Variants in TTC4 observed in about 807,000 individuals in gnomAD.
The protein encoded by TTC4 is tetratricopeptide repeat domain 4, also known as hsp70/Hsp90 co-chaperone CNS1 homolog.
In TTC4, 36 loss-of-function variants were observed where a neutral mutation model predicts 51.9. That is an observed-to-expected ratio of 0.69 (90% CI 0.53 to 0.92). The LOEUF (loss-of-function observed/expected upper bound fraction) is 0.92. Ranked by LOEUF, TTC4 falls within the 40% of genes least tolerant of loss-of-function variation. The pLI, the probability that TTC4 is intolerant of heterozygous loss-of-function variation, is 0.00. For missense variants in TTC4, 399 were observed against 454.6 expected, an observed-to-expected ratio of 0.88 and a Z score of 1.11; for synonymous variants, 144 against 164.2, an observed-to-expected ratio of 0.88 and a Z score of 0.94.
chr1:54,736,248 A>T (rs1310256026), intron 8 of TTC4, among the ~76,000 whole-genome samples: 3,697 of 124,248 alleles, frequency 0.03, 385 homozygotes, highest in African/African-American at 0.068. Context: ...AGAAGAGAGG[A>T]GAGAGGAGAG....
intron 8 of TTC4, among the ~76,000 whole-genome samples, chr1:54,734,384 CTTTTTATTTA>C (rs1474543646): frequency 2.6e-5 from 4 of 151,100 alleles, no homozygotes; most frequent in African/African-American, 9.7e-5. Context: ...AATTGTTTTC[CTTTTTATTTA>C]TTTTTATTTT....
chr1:54,721,205 A>G lies in TTC4; in HGVS notation c.434A>G (p.Lys145Arg), dbSNP rs770464570. 6.2e-7 allele frequency: 1 copy of G among 1,613,556 alleles called. No homozygotes were observed. Among genetic ancestry groups the G allele is most frequent in the Non-Finnish European group, 8.5e-7 (1 of 1,179,580 alleles). Residue 145 changes from lysine (K) to arginine (R), a missense_variant, in exon 4 of 10, where the codon AAG (lysine) becomes AGG (arginine). Lys to Arg is a conservative substitution (Grantham distance 26, BLOSUM62 2). Around this residue, in one of 3 missense-constraint regions of TTC4, gnomAD observed 316 missense variants for 349.6 expected, o/e 0.90. Transcript: ENST00000371281. ...SALNDVTAAR[K>R]LKPCHLKAII... is the part of the protein sequence containing the mutation. ...CTCAATGATGTGACAGCTGCCAGAAAGCTAAAACCCTGCCACCTCAAAGCA... is the reference window on the plus strand; with the variant it reads ...CTCAATGATGTGACAGCTGCCAGAAGGCTAAAACCCTGCCACCTCAAAGCA...
chr1:54,721,259 C>G lies in TTC4; in HGVS notation c.469+19C>G. On this transcript the variant is annotated intron_variant, in intron 4 of 9. Coordinates refer to ENST00000371281, the MANE Select transcript of TTC4 (RefSeq NM_004623.5). ...ATAAGAGGTAAGTCTTGTGGAACTACAGTATGACATTTAAAGCTTTGATAT... is the reference window on the plus strand; with the variant it reads ...ATAAGAGGTAAGTCTTGTGGAACTAGAGTATGACATTTAAAGCTTTGATAT... 1 of 1,610,480 alleles carries G rather than the reference C, an allele frequency of 6.2e-7. No homozygotes were observed. The highest frequency in any genetic ancestry group is 8.5e-7 in the Non-Finnish European group (1 of 1,177,322).
intron 6 of TTC4, among the ~76,000 whole-genome samples, chr1:54,730,420 G>A (rs1243922338): frequency 6.6e-6 from 1 of 151,928 alleles, no homozygotes; most frequent in Non-Finnish European, 1.5e-5. Context: ...TCAGCAAACT[G>A]CAGCCGTTGG....
intron 3 of TTC4, among the ~76,000 whole-genome samples, chr1:54,718,504 C>A (rs1645703093): frequency 6.6e-6 from 1 of 152,092 alleles, no homozygotes; most frequent in Non-Finnish European, 1.5e-5. Context: ...GCCTCAGCCT[C>A]CCAAAGTATT....
Position 54,736,228 on chromosome 1 carries a change from G to T in TTC4, c.979-1354G>T, listed in dbSNP as rs946989046. On this transcript the variant is annotated intron_variant, in intron 8 of 9. Coordinates refer to ENST00000371281, the MANE Select transcript of TTC4 (RefSeq NM_004623.5). The stretch of plus-strand genomic sequence containing the variant: ...AGAGAGAGAGAGAGAGAGAGAAGAG[G>T]AGAGGAGAGAGAAGAGAGGAGAGAG... Among the ~76,000 whole-genome samples the T allele has an allele frequency of 4.6e-5, 6 of 130,132 alleles. 2 individuals carry two copies. The highest frequency in any genetic ancestry group is 2.0e-4 in the African/African-American group (6 of 30,740). The allele number at this position is 130,132 out of a possible 152,430, so 85.4% of individuals were successfully genotyped here.
At chr1:54,717,274 C>T (rs1645687625) in intron 2 of TTC4, among the ~76,000 whole-genome samples, 1 of 152,054 alleles carries the variant, frequency 6.6e-6, no homozygotes, top group African/African-American at 2.4e-5. Flanking sequence ...TTGGAAAGCA[C>T]TTAGTAATCT....
At chr1:54,736,133 C>G (rs1316657970) in intron 8 of TTC4, among the ~76,000 whole-genome samples, 1 of 147,142 alleles carries the variant, frequency 6.8e-6, no homozygotes, top group African/African-American at 2.5e-5. Context: ...AATGCCTTCT[C>G]AGTGCCACAG....
chr1:54,727,055 C>CAAAAAAAAAAAA (rs56739564), intron 5 of TTC4, among the ~76,000 whole-genome samples: 1 of 102,918 alleles, frequency 9.7e-6, no homozygotes, highest in Non-Finnish European at 2.2e-5. Context: ...TCATGAAAGA[C>CAAAAAAAAAAAA]AAAAAAAAAA....
chr1:54,737,624 C>T lies in TTC4; in HGVS notation c.1021C>T (p.Pro341Ser). 2 of 1,613,412 alleles carry T rather than the reference C, an allele frequency of 1.2e-6. No homozygotes were observed. Among genetic ancestry groups the T allele is most frequent in the Non-Finnish European group, 1.7e-6 (2 of 1,180,008 alleles). Reference sequence around the variant, plus strand: ...GGACAGGGCAGAACTATACCGGGTGCCTGCCAAGAGCACCTTGCTACAGGT... The same window carrying T: ...GGACAGGGCAGAACTATACCGGGTGTCTGCCAAGAGCACCTTGCTACAGGT... ...DEDRAELYRV[P>S]AKSTLLQVLQ... Residue 341 changes from proline to serine, a missense_variant, in exon 9 of 10, where the codon CCT (proline) becomes TCT (serine). By Grantham distance (74) the Pro-to-Ser change is moderately conservative. Transcript: ENST00000371281.
intron 6 of TTC4, among the ~76,000 whole-genome samples, chr1:54,729,471 CAT>C (rs1245349522): frequency 3.3e-5 from 5 of 152,148 alleles, no homozygotes; most frequent in African/African-American, 9.7e-5. Flanking sequence ...ACACAGCTAA[CAT>C]GTGTTAGAGC....
intron 8 of TTC4, 104 bp from the exon 9 acceptor site, chr1:54,737,478 C>A: frequency 1.0e-6 from 1 of 983,412 alleles, no homozygotes; most frequent in Non-Finnish European, 1.5e-6. Flanking sequence ...AGGAGGCATT[C>A]AACTACTAAC....
chr1:54,732,435 G>C (rs1645878325), intron 7 of TTC4, among the ~76,000 whole-genome samples: 2 of 150,934 alleles, frequency 1.3e-5, no homozygotes, highest in Admixed American at 6.6e-5. Flanking sequence ...CTAAGTGTAA[G>C]AGTGTAAGAA....
chr1:54,729,568 CAAT>C (rs1297358444), intron 6 of TTC4, among the ~76,000 whole-genome samples: 2 of 152,114 alleles, frequency 1.3e-5, no homozygotes, highest in African/African-American at 4.8e-5. Flanking sequence ...ACAACAACAA[CAAT>C]AACAAAATGC....
chr1:54,718,351 C>A (rs1645701054), intron 3 of TTC4, among the ~76,000 whole-genome samples: 1 of 151,986 alleles, frequency 6.6e-6, no homozygotes, highest in Admixed American at 6.6e-5. Context: ...AAAGTGAGAC[C>A]CTGTTTCTAA....
chr1:54,722,997 A>T (rs1394281493), intron 5 of TTC4, among the ~76,000 whole-genome samples, 198 bp downstream of exon 5: 2 of 152,252 alleles, frequency 1.3e-5, no homozygotes, highest in Non-Finnish European at 2.9e-5. Flanking sequence ...GATGGTGTGT[A>T]TAGTGGTAGT....
Position 54,721,102 on chromosome 1 carries a change from A to G in TTC4, c.392-61A>G, listed in dbSNP as rs923691154. On this transcript the variant is annotated intron_variant, in intron 3 of 9. Coordinates refer to ENST00000371281, the MANE Select transcript of TTC4 (RefSeq NM_004623.5). ...CAAGAGTGTCTTTGTCACTACATAT[A>G]AAATTTTGGAAACATTTTGATCTCA... 4.6e-6 allele frequency: 7 copies of G among 1,526,018 alleles called. No individual in the cohort carries two copies. The Admixed American group carries it at 5.1e-5, about 11-fold the overall frequency. The allele number at this position is 1,526,018 out of a possible 1,614,324, so 94.5% of individuals were successfully genotyped here. A position where few individuals can be genotyped will look rare whatever the true frequency, so the allele number is the denominator to read the frequency against.
At chr1:54,716,960 A>T (rs1557740319) in intron 2 of TTC4, among the ~76,000 whole-genome samples, 1 of 152,224 alleles carries the variant, frequency 6.6e-6, no homozygotes, top group Non-Finnish European at 1.5e-5. Context: ...AAGAATCAAG[A>T]CAAACTTATG....
chr1:54,729,308 T>A (rs72909887), intron 6 of TTC4, among the ~76,000 whole-genome samples: 18,194 of 152,244 alleles, frequency 0.12, 1,830 homozygotes, highest in African/African-American at 0.27. Context: ...GGTAACTGAA[T>A]CTGTGGAAAG....
Sources: allele counts gnomAD v4.1 joint callset (sites outside exome capture counted in the v4.1 genomes callset), GRCh38; gene constraint gnomAD v4.1.1; regional missense constraint gnomAD v4.1.1; transcripts MANE v1.5; gene names NCBI Gene and HGNC (gene_info 2026-07-23, HGNC 2026-07-21).